Variants in IKZF4 observed in about 807,000 individuals in gnomAD.
The protein encoded by IKZF4 is IKAROS family zinc finger 4, also known as zinc finger protein Eos.
IKZF4 carries 11 observed loss-of-function variants against 47.7 expected under a neutral mutation model. The ratio of observed to expected loss-of-function variants is 0.23; its 90% confidence interval spans 0.15 to 0.38. The LOEUF is 0.38. Among genes scored for constraint, IKZF4 ranks in the 10% least tolerant of loss-of-function variants. The pLI, the probability that IKZF4 is intolerant of heterozygous loss-of-function variation, is 1.00. For missense variants in IKZF4, 557 were observed against 784.9 expected, an observed-to-expected ratio of 0.71 and a Z score of 3.47; for synonymous variants, 298 against 299.4, an observed-to-expected ratio of 1.00 and a Z score of 0.05.
chr12:56,034,481 A>G lies in IKZF4; in HGVS notation c.998-90A>G. The G allele has an allele frequency of 2.2e-6, 3 of 1,343,216 alleles. No individual in the cohort carries two copies. The South Asian group carries it at 4.2e-5, about 19-fold the overall frequency. 83.2% of individuals were successfully genotyped at this position (1,343,216 alleles called of 1,614,324 possible). On this transcript the variant is annotated intron_variant, in intron 7 of 7. Transcript: ENST00000547167. ...CCACGTAGTAAATAATGTTACACCC[A>G]GCCCCACAGGTAAAAAAACAAAGAA...
chr12:56,010,291 T>C (rs1891184708), intron 1 of IKZF4: 1 of 152,118 alleles, frequency 6.6e-6, no homozygotes, highest in Non-Finnish European at 1.5e-5. Context: ...GAGAGATAGG[T>C]TCAAAGTTTA....
chr12:56,031,543 T>C (rs1043268436), intron 5 of IKZF4, among the ~76,000 whole-genome samples: 4 of 152,170 alleles, frequency 2.6e-5, no homozygotes, highest in African/African-American at 9.7e-5. Flanking sequence ...TAAAATCCAG[T>C]AGATTGATTT....
At chr12:56,007,767 GCGGGGGCGGGGCCTCGGTAGC>G (rs1247978380) in intron 1 of IKZF4, 1 of 152,066 alleles carries the variant, frequency 6.6e-6, no homozygotes, top group African/African-American at 2.4e-5. Context: ...TGGGGGTAAA[GCGGGGGCGGGGCCTCGGTAGC>G]CGGGGGCGGG....
rs201573279 is a variant in IKZF4 at position 56,033,274 on chromosome 12, C to A, written c.950C>A (p.Ala317Asp). Reference sequence around the variant, plus strand: ...CGGCCAACTTTCATCGATCGTCTGGCCAATAGCCTCACCAAACGCAAGCGT... The same window carrying A: ...CGGCCAACTTTCATCGATCGTCTGGACAATAGCCTCACCAAACGCAAGCGT... ...SERPTFIDRL[A>D]NSLTKRKRST... Residue 317 changes from alanine to aspartate, a missense_variant, in exon 7 of 8, where the codon GCC becomes GAC. Physicochemically the swap from Ala to Asp is moderately radical, Grantham distance 126 (BLOSUM62 -2). Transcript: ENST00000547167. 4.3e-6 allele frequency: 7 copies of A among 1,613,976 alleles called. No individual in the cohort carries two copies. The highest frequency in any genetic ancestry group is 5.9e-6 in the Non-Finnish European group (7 of 1,179,886).
chr12:56,014,182 GAAAC>G (rs1366874586), intron 2 of IKZF4, among the ~76,000 whole-genome samples: 94 of 149,924 alleles, frequency 6.3e-4, no homozygotes, highest in South Asian at 6.4e-4. Context: ...GAAAAGAAAA[GAAAC>G]AAACAAACAA....
intron 1 of IKZF4, chr12:56,022,001 C>G (rs774343530): frequency 3.5e-5 from 7 of 201,938 alleles, no homozygotes; most frequent in African/African-American, 1.4e-4. Flanking sequence ...GCTTCCTCCC[C>G]ACAAAAGAGC....
upstream of IKZF4, among the ~76,000 whole-genome samples, chr12:56,017,308 A>T (rs551701671): frequency 7.1e-6 from 1 of 140,318 alleles, no homozygotes; most frequent in African/African-American, 2.7e-5. Context: ...AACCATTTAC[A>T]GGTTTAACTT....
chr12:56,025,235 C>A, intron 3 of IKZF4, 77 bp downstream of exon 3: 2 of 1,413,752 alleles, frequency 1.4e-6, no homozygotes, highest in Non-Finnish European at 1.9e-6. Context: ...CTTCCACTGG[C>A]AACCATTTCC....
chr12:56,017,922 G>C (rs117396149), upstream of IKZF4, among the ~76,000 whole-genome samples: 5 of 152,012 alleles, frequency 3.3e-5, no homozygotes, highest in African/African-American at 1.2e-4. Context: ...TCCTGGGCTC[G>C]AGTGATCCTC....
At chr12:56,022,797 CTTTTTTTTTTT>C (rs34923817) in intron 1 of IKZF4, among the ~76,000 whole-genome samples, 3 of 126,292 alleles carry the variant, frequency 2.4e-5, no homozygotes, top group African/African-American at 8.9e-5. Flanking sequence ...CTCAGTGTTT[CTTTTTTTTTTT>C]TTTTTTTTTG....
At chr12:56,012,375 A>G (rs1291615840) in intron 2 of IKZF4, among the ~76,000 whole-genome samples, 1 of 151,286 alleles carries the variant, frequency 6.6e-6, no homozygotes, top group Non-Finnish European at 1.5e-5. Context: ...CCTGGGTTCA[A>G]GCGATTCTCC....
At chr12:56,018,272 T>A, upstream of IKZF4, 1 of 881,434 alleles carries the variant, frequency 1.1e-6, no homozygotes, top group Non-Finnish European at 1.6e-6. Flanking sequence ...ACACAGCCTC[T>A]AAATGTCCTA....
At chr12:56,019,326 A>C (rs564690644), upstream of IKZF4, 17 of 982,590 alleles carry the variant, frequency 1.7e-5, no homozygotes, top group Non-Finnish European at 1.9e-5. Context: ...AGTAGGACCA[A>C]TGAAGGAATT....
chr12:56,017,612 G>A (rs1295619228), upstream of IKZF4, among the ~76,000 whole-genome samples: 2 of 152,144 alleles, frequency 1.3e-5, no homozygotes, highest in African/African-American at 4.8e-5. Context: ...CTCAGAGGCT[G>A]GGGAGGCCTG....
rs1892973893 is a variant in IKZF4, at chr12:56,021,559, T to TCAC, written c.68_70dup (p.His23dup). ...GCGGCCGCGTTCGCACCCCAGGGTCTCACCGGCAAGGGAAGGATAATGTAA... is the reference window on the plus strand; with the variant it reads ...GCGGCCGCGTTCGCACCCCAGGGTCTCACCACCGGCAAGGGAAGGATAATGTAA... On this transcript the variant is annotated inframe_insertion, in exon 1 of 8. Coordinates refer to ENST00000547167, the MANE Select transcript of IKZF4 (RefSeq NM_022465.4). The TCAC allele has an allele frequency of 2.5e-6, 4 of 1,607,644 alleles. No individual in the cohort carries two copies. The highest frequency in any genetic ancestry group is 3.4e-6 in the Non-Finnish European group (4 of 1,177,562).
chr12:56,025,287 G>A (rs1022429170), intron 3 of IKZF4, 129 bp downstream of exon 3: 9 of 1,030,942 alleles, frequency 8.7e-6, no homozygotes, highest in Admixed American at 5.9e-5. Flanking sequence ...GTCTCTAAGA[G>A]CAATGAGGAG....
intron 2 of IKZF4, chr12:56,024,842 G>GC: frequency 7.0e-7 from 1 of 1,432,612 alleles, no homozygotes; most frequent in South Asian, 1.4e-5. Context: ...GGTAGGGTAG[G>GC]CAAGGCCCAG....
chr12:56,027,249 A>T (rs373776378), intron 4 of IKZF4, among the ~76,000 whole-genome samples: 78 of 152,004 alleles, frequency 5.1e-4, no homozygotes, highest in African/African-American at 1.9e-3. Context: ...TCCCCTCAAT[A>T]CCTTTAGTTT....
Position 56,035,205 on chromosome 12 carries a change from G to A in IKZF4, c.1632G>A (p.Met544Ile). 6.2e-7 allele frequency: 1 copy of A among 1,614,198 alleles called. No individual in the cohort carries two copies. The highest frequency in any genetic ancestry group is 8.5e-7 in the Non-Finnish European group (1 of 1,180,034). ...HCRILFLDHV[M>I]FTIHMGCHGF... ...GTATCCTCTTCCTGGACCACGTCAT[G>A]TTCACTATCCACATGGGCTGCCATG... The change falls in exon 8 of 8, where the codon ATG (methionine) becomes ATA (isoleucine). Residue 544 changes from methionine to isoleucine, a missense_variant. Coordinates refer to ENST00000547167, the MANE Select transcript of IKZF4 (RefSeq NM_022465.4). The surrounding 1 kb of genome is among the most constrained non-coding windows in gnomAD (Gnocchi z 6.1).
Sources: allele counts gnomAD v4.1 joint callset (sites outside exome capture counted in the v4.1 genomes callset), GRCh38; gene constraint gnomAD v4.1.1; non-coding constraint Gnocchi (gnomAD v3.1); transcripts MANE v1.5; gene names NCBI Gene and HGNC (gene_info 2026-07-23, HGNC 2026-07-21).